Variants in GLYR1 observed in about 807,000 individuals in gnomAD.
GLYR1 encodes glyoxylate reductase 1 homolog, also known as cytokine-like nuclear factor N-PAC.
A neutral mutation model predicts 72.7 loss-of-function variants in GLYR1; 21 were observed. The observed-to-expected ratio is 0.29, with a 90% confidence interval of 0.20 to 0.42. The LOEUF is 0.42. Ranked by LOEUF, GLYR1 falls within the 10% of genes least tolerant of loss-of-function variation. The pLI is 1.00. For synonymous variants in GLYR1, 392 were observed against 270.2 expected (o/e 1.45, Z -4.42); for missense variants, 594 against 712.1 (o/e 0.83, Z 1.89).
intron 5 of GLYR1, 73 bp downstream of exon 5, chr16:4,831,906 T>C (rs2084825375): frequency 3.9e-6 from 6 of 1,540,232 alleles, no homozygotes; most frequent in Non-Finnish European, 5.3e-6. Flanking sequence ...TACATAAGCA[T>C]ACTGTAGAGC....
chr16:4,817,766 G>T, intron 9 of GLYR1, 69 bp from the exon 10 acceptor site: 2 of 977,096 alleles, frequency 2.0e-6, no homozygotes, highest in Non-Finnish European at 3.3e-6. Flanking sequence ...ATTCCATGCA[G>T]CACAAGGCTC....
At chr16:4,841,193 G>C (rs1297921143) in intron 3 of GLYR1, among the ~76,000 whole-genome samples, 1 of 152,090 alleles carries the variant, frequency 6.6e-6, no homozygotes, top group African/African-American at 2.4e-5. Context: ...TCTTGAGCAA[G>C]CACATCACCA....
At chr16:4,832,321 T>C in intron 4 of GLYR1, 100 bp from the exon 5 acceptor site, 1 of 1,402,846 alleles carries the variant, frequency 7.1e-7, no homozygotes, top group African/African-American at 1.4e-5. Context: ...GCACTCTGTG[T>C]GGTCTCCTCA....
intron 5 of GLYR1, among the ~76,000 whole-genome samples, chr16:4,827,492 C>T (rs189150043): frequency 1.3e-5 from 2 of 152,274 alleles, no homozygotes; most frequent in Admixed American, 6.5e-5. Context: ...GGAAGGACAC[C>T]TCGAAGGGTC....
At chr16:4,837,853 C>G (rs1485387845) in intron 3 of GLYR1, among the ~76,000 whole-genome samples, 2 of 151,972 alleles carry the variant, frequency 1.3e-5, no homozygotes, top group East Asian at 3.9e-4. Flanking sequence ...ATCGCTTGAA[C>G]CCAGGAGGCG....
intron 5 of GLYR1, among the ~76,000 whole-genome samples, chr16:4,829,336 C>T (rs1476989223): frequency 6.6e-6 from 1 of 152,050 alleles, no homozygotes; most frequent in African/African-American, 2.4e-5. Flanking sequence ...GATAGGGTCT[C>T]ACACTGTTGC....
chr16:4,847,288 C>T lies in GLYR1; in HGVS notation c.-23G>A, dbSNP rs1161147945. On this transcript the variant is annotated 5_prime_UTR_variant, in exon 1 of 16. Transcript: ENST00000321919. Reference sequence around the variant, plus strand: ...CATCTTACCACCCAACCACCGCCGACGCACGGGCCGCCGGGAACAGCAAGT... The same window carrying T: ...CATCTTACCACCCAACCACCGCCGATGCACGGGCCGCCGGGAACAGCAAGT... The T allele has an allele frequency of 7.5e-6, 12 of 1,609,488 alleles. No homozygotes were observed. Among genetic ancestry groups the T allele is most frequent in the Admixed American group, 5.0e-5 (3 of 59,856 alleles).
intron 5 of GLYR1, among the ~76,000 whole-genome samples, chr16:4,831,394 C>T (rs2084785948): frequency 6.6e-6 from 1 of 152,220 alleles, no homozygotes; most frequent in South Asian, 2.1e-4. Flanking sequence ...TACCACGCTG[C>T]TTCAGTAGAC....
At chr16:4,830,868 C>T (rs564833539) in intron 5 of GLYR1, among the ~76,000 whole-genome samples, 5 of 152,232 alleles carry the variant, frequency 3.3e-5, no homozygotes, top group East Asian at 3.9e-4. Context: ...CAGGCCTCCG[C>T]GCTTCCCTCT....
At chr16:4,807,118 T>C (rs1190577569) in intron 15 of GLYR1, among the ~76,000 whole-genome samples, 1 of 147,662 alleles carries the variant, frequency 6.8e-6, no homozygotes, top group Non-Finnish European at 1.5e-5. Context: ...TTTTTTTTTT[T>C]TTTTTTTTTT....
At chr16:4,808,768 G>C (rs1423849050) in intron 15 of GLYR1, among the ~76,000 whole-genome samples, 1 of 151,608 alleles carries the variant, frequency 6.6e-6, no homozygotes, top group African/African-American at 2.4e-5. Flanking sequence ...ATGAAGATGA[G>C]CTAAGAAAGC....
intron 11 of GLYR1, 91 bp downstream of exon 11, chr16:4,814,446 C>A: frequency 1.1e-6 from 1 of 938,084 alleles, no homozygotes. Flanking sequence ...CATGTGGACA[C>A]TCACTTGGTG....
Position 4,832,051 on chromosome 16 carries a change from G to C in GLYR1, c.465C>G (p.Gly155=). ...GGGCTCTTTTCAGAGGGGATTTGGA[G>C]CCTCTCTCTGAAGAGCCTGAAGACA... The part of the protein sequence containing the change: ...KRVSSGSSER[G]SKSPLKRAQE... Residue 155 remains glycine (G), a synonymous_variant, in exon 5 of 16, where the codon GGC becomes GGG. Coordinates refer to ENST00000321919, the MANE Select transcript of GLYR1 (RefSeq NM_032569.4). The C allele has an allele frequency of 6.2e-7, 1 of 1,614,164 alleles. No individual in the cohort carries two copies. The highest frequency in any genetic ancestry group is 8.5e-7 in the Non-Finnish European group (1 of 1,180,022).
chr16:4,811,847 G>A (rs1235926830), intron 13 of GLYR1, 45 bp from the exon 14 acceptor site: 8 of 1,579,816 alleles, frequency 5.1e-6, no homozygotes, highest in Non-Finnish European at 6.0e-6. Context: ...GAATGCCACA[G>A]ACAGGGCTTC....
rs755417075 is a variant in GLYR1 at position 4,812,186 on chromosome 16, A to G, written c.1182T>C (p.Ser394=). The G allele has an allele frequency of 6.2e-6, 10 of 1,614,050 alleles. No homozygotes were observed. The highest frequency in any genetic ancestry group is 5.0e-5 in the Admixed American group (3 of 60,004). Residue 394 remains serine, a synonymous_variant, in exon 13 of 16, where the codon TCT becomes TCC. Transcript: ENST00000321919. ...CTAAGATCACCAACATCCCGTCATT[A>G]GACAGCTGCTGATTCCCTGAGACGG... The part of the protein sequence containing the change: ...EAPVSGNQQL[S]NDGMLVILAA...
chr16:4,833,123 C>G (rs1358065778), intron 3 of GLYR1: 1 of 419,968 alleles, frequency 2.4e-6, no homozygotes, highest in East Asian at 3.8e-5. Flanking sequence ...GAACAACCAT[C>G]ACCACCACTG....
rs2084835122 is a variant in GLYR1, at chr16:4,832,046, T to C, written c.470A>G (p.Lys157Arg). Residue 157 changes from lysine to arginine, a missense_variant, in exon 5 of 16, where the codon AAA (lysine) becomes AGA (arginine). By Grantham distance (26) the Lys-to-Arg change is conservative. Coordinates refer to ENST00000321919, the MANE Select transcript of GLYR1 (RefSeq NM_032569.4). ...CTCTTGGGCTCTTTTCAGAGGGGAT[T>C]TGGAGCCTCTCTCTGAAGAGCCTGA... ...VSSGSSERGS[K>R]SPLKRAQEQS... The C allele has an allele frequency of 6.2e-7, 1 of 1,614,198 alleles. No individual in the cohort carries two copies. The highest frequency in any genetic ancestry group is 8.5e-7 in the Non-Finnish European group (1 of 1,180,034).
intron 3 of GLYR1, chr16:4,843,652 A>G (rs1567825631): frequency 7.8e-7 from 1 of 1,287,024 alleles, no homozygotes; most frequent in East Asian, 5.6e-5. Context: ...CTCCTGGATG[A>G]GTGAAGAATA....
chr16:4,832,289 C>T (rs1213768650), intron 4 of GLYR1, 68 bp from the exon 5 acceptor site: 7 of 1,583,960 alleles, frequency 4.4e-6, no homozygotes, highest in African/African-American at 2.7e-5. Context: ...CCATCATTTA[C>T]AGGTGCCATG....
Sources: allele counts gnomAD v4.1 joint callset (sites outside exome capture counted in the v4.1 genomes callset), GRCh38; gene constraint gnomAD v4.1.1; transcripts MANE v1.5; gene names NCBI Gene and HGNC (gene_info 2026-07-23, HGNC 2026-07-21).